Variants in SLC44A5 observed in about 807,000 individuals in gnomAD.
SLC44A5 encodes the protein choline transporter-like protein 5.
In SLC44A5, 57 loss-of-function variants were observed where a neutral mutation model predicts 101.8. The ratio of observed to expected loss-of-function variants is 0.56; its 90% CI spans 0.45 to 0.70. The LOEUF (loss-of-function observed/expected upper bound fraction) is 0.70, where lower values mean the gene tolerates loss of function less well. SLC44A5 is among the 30% of genes least tolerant of loss of function. The pLI is 0.00. For missense variants in SLC44A5, 737 were observed against 853.1 expected, an observed-to-expected ratio of 0.86 and a Z score of 1.70; for synonymous variants, 281 against 290.9, an observed-to-expected ratio of 0.97 and a Z score of 0.35.
chr1:75,529,483 T>C (rs895265233), intron 2 of SLC44A5, among the ~76,000 whole-genome samples: 1 of 152,160 alleles, frequency 6.6e-6, no homozygotes, highest in South Asian at 2.1e-4. Flanking sequence ...GGTTCTACTC[T>C]ACAGAAGAAT....
intron 2 of SLC44A5, among the ~76,000 whole-genome samples, chr1:75,476,205 A>T (rs1369600151): frequency 1.3e-5 from 2 of 152,114 alleles, no homozygotes; most frequent in Non-Finnish European, 2.9e-5. Flanking sequence ...ATATATATAT[A>T]TATAGAAAGT....
At chr1:75,286,822 G>A (rs1398962434) in intron 5 of SLC44A5, among the ~76,000 whole-genome samples, 1 of 152,078 alleles carries the variant, frequency 6.6e-6, no homozygotes, top group Admixed American at 6.6e-5. Context: ...GGAATCTCCT[G>A]TTAATATGAT....
At chr1:75,400,820 A>G (rs572957029) in intron 2 of SLC44A5, among the ~76,000 whole-genome samples, 4 of 152,356 alleles carry the variant, frequency 2.6e-5, no homozygotes, top group Admixed American at 1.3e-4. Flanking sequence ...AGTAGAGAGA[A>G]GGCTCAGTGC....
At chr1:75,462,253 A>C (rs1443085824) in intron 2 of SLC44A5, among the ~76,000 whole-genome samples, 1 of 152,248 alleles carries the variant, frequency 6.6e-6, no homozygotes, top group Non-Finnish European at 1.5e-5. Context: ...GGTAATCCAA[A>C]GAATTCTCCC....
intron 2 of SLC44A5, among the ~76,000 whole-genome samples, chr1:75,461,951 T>C (rs1570349724): frequency 6.6e-6 from 1 of 152,222 alleles, no homozygotes; most frequent in East Asian, 1.9e-4. Context: ...TCCTGGGTCC[T>C]GGAGAAAATC....
At chr1:75,288,569 C>T (rs1012984696) in intron 5 of SLC44A5, among the ~76,000 whole-genome samples, 2 of 152,124 alleles carry the variant, frequency 1.3e-5, no homozygotes, top group Non-Finnish European at 2.9e-5. Context: ...ACACATTCTT[C>T]CTAGAGAAAC....
chr1:75,616,979 T>A, the SLC44A5 span, among the ~76,000 whole-genome samples: 1 of 152,160 alleles, frequency 6.6e-6, no homozygotes, highest in Non-Finnish European at 1.5e-5. Flanking sequence ...AGTTCTCATG[T>A]TCCTGGAGGA....
At chr1:75,677,568 A>G in the SLC44A5 span, among the ~76,000 whole-genome samples, 1 of 152,220 alleles carries the variant, frequency 6.6e-6, no homozygotes, top group Non-Finnish European at 1.5e-5. Context: ...GAAAGGAAGA[A>G]GAAAGAAAAT....
the SLC44A5 span, among the ~76,000 whole-genome samples, chr1:75,676,000 TATC>T: frequency 6.6e-6 from 1 of 152,158 alleles, no homozygotes; most frequent in Non-Finnish European, 1.5e-5. Flanking sequence ...TGCAATGAGA[TATC>T]ATCTCATGCC....
intron 4 of SLC44A5, among the ~76,000 whole-genome samples, chr1:75,332,935 C>T (rs888295875): frequency 1.3e-5 from 2 of 152,052 alleles, no homozygotes; most frequent in African/African-American, 4.8e-5. Flanking sequence ...AAATGTATGC[C>T]GTTCTCATAT....
chr1:75,488,232 A>G (rs1428523511), intron 2 of SLC44A5, among the ~76,000 whole-genome samples: 1 of 152,188 alleles, frequency 6.6e-6, no homozygotes, highest in Admixed American at 6.5e-5. Context: ...GGATCATCCC[A>G]AAACCATTCC....
At position 75,387,003 on chromosome 1, in the gene SLC44A5, C is replaced by A. The variant is rs545699297; in HGVS notation, c.52+9580G>T. On this transcript the variant is annotated intron_variant, in intron 3 of 23. Coordinates refer to ENST00000370859, the MANE Select transcript of SLC44A5 (RefSeq NM_001130058.2). ...AAATGGTGCTGGGAAAACTGGCTAG[C>A]CATATGTAGAAAGCTGAAACTGGAT... Among the ~76,000 whole-genome samples the A allele has an allele frequency of 1.6e-4, 24 of 151,716 alleles. No individual in the cohort carries two copies. The South Asian group carries it at 3.5e-3, about 22-fold the overall frequency.
chr1:75,302,608 C>T (rs543892274), intron 4 of SLC44A5, among the ~76,000 whole-genome samples: 1 of 152,150 alleles, frequency 6.6e-6, no homozygotes, highest in Non-Finnish European at 1.5e-5. Context: ...ACATGCAGAC[C>T]TATGATAAAG....
At chr1:75,376,136 A>G (rs1020138014) in intron 3 of SLC44A5, among the ~76,000 whole-genome samples, 35 of 152,248 alleles carry the variant, frequency 2.3e-4, no homozygotes, top group African/African-American at 8.4e-4. Flanking sequence ...GACCGGCTTA[A>G]AAAACGGCGC....
the SLC44A5 span, among the ~76,000 whole-genome samples, chr1:75,680,089 C>G: frequency 1.3e-5 from 2 of 152,168 alleles, no homozygotes; most frequent in Admixed American, 1.3e-4. Flanking sequence ...GCACCCAATA[C>G]AGGAGCACCC....
rs748183510 is a variant in SLC44A5, at chr1:75,214,650, C to T, written c.1757G>A (p.Arg586Lys). 1 of 1,611,608 alleles carries T rather than the reference C, an allele frequency of 6.2e-7. No individual in the cohort carries two copies. Among genetic ancestry groups the T allele is most frequent in the Non-Finnish European group, 8.5e-7 (1 of 1,178,734 alleles). The change falls in exon 20 of 24, where the codon AGG becomes AAG. Residue 586 changes from arginine (R) to lysine (K), a missense_variant. By Grantham distance (26) the Arg-to-Lys change is conservative. Coordinates refer to ENST00000370859, the MANE Select transcript of SLC44A5 (RefSeq NM_001130058.2). ...MIAIYGRNFC[R>K]SAKDAFNLLM... ...CAGATTGAAAGCATCTTTTGCTGAC[C>T]TGCAGAAGTTTCTGCCATATATTGC... is the stretch of plus-strand genomic sequence containing the variant.
the SLC44A5 span, among the ~76,000 whole-genome samples, chr1:75,669,617 C>A: frequency 1.3e-5 from 2 of 152,266 alleles, no homozygotes; most frequent in South Asian, 2.1e-4. Flanking sequence ...AACGAACATT[C>A]CCCTAACTCT....
chr1:75,643,784 T>C, the SLC44A5 span, among the ~76,000 whole-genome samples: 74,814 of 152,216 alleles, frequency 0.49, 19,648 homozygotes, highest in East Asian at 0.93. Flanking sequence ...TGAGGCCTCC[T>C]CAGCCATGTG....
intron 11 of SLC44A5, among the ~76,000 whole-genome samples, chr1:75,235,857 T>C (rs901956247): frequency 6.6e-6 from 1 of 152,000 alleles, no homozygotes; most frequent in Admixed American, 6.6e-5. Context: ...TTGTAAAAAG[T>C]TCATACTTTA....
Sources: allele counts gnomAD v4.1 joint callset (sites outside exome capture counted in the v4.1 genomes callset), GRCh38; gene constraint gnomAD v4.1.1; transcripts MANE v1.5; gene names NCBI Gene and HGNC (gene_info 2026-07-23, HGNC 2026-07-21).